Variants in CYP46A1 observed in about 807,000 individuals in gnomAD.
The protein encoded by CYP46A1 is cytochrome P450 family 46 subfamily A member 1.
In CYP46A1, 20 loss-of-function variants were observed where a neutral mutation model predicts 63.3. That is an observed-to-expected ratio of 0.32 (90% CI 0.22 to 0.46). The LOEUF (loss-of-function observed/expected upper bound fraction) is 0.46, where lower values mean the gene tolerates loss of function less well. Among genes scored for constraint, CYP46A1 ranks in the 20% least tolerant of loss-of-function variants. The probability of loss-of-function intolerance (pLI) is 1.00; values close to 1 mark genes in which losing one functional copy is unlikely to be tolerated. For synonymous variants in CYP46A1, 268 were observed against 273.6 expected, an observed-to-expected ratio of 0.98 and a Z score of 0.20; for missense variants, 445 against 670.8, an observed-to-expected ratio of 0.66 and a Z score of 3.72.
chr14:99,692,129 C>T (rs956844608), intron 3 of CYP46A1, among the ~76,000 whole-genome samples: 6 of 152,168 alleles, frequency 3.9e-5, no homozygotes, highest in African/African-American at 1.4e-4. Context: ...AGTGCACACA[C>T]GTTTAGTTTG....
At chr14:99,702,652 T>C (rs897139589) in intron 5 of CYP46A1, among the ~76,000 whole-genome samples, 2 of 152,104 alleles carry the variant, frequency 1.3e-5, no homozygotes, top group African/African-American at 4.8e-5. Flanking sequence ...TTTCTTCTCT[T>C]TATGAGTGTA....
chr14:99,697,763 G>A (rs1221334597), intron 3 of CYP46A1, among the ~76,000 whole-genome samples: 2 of 152,274 alleles, frequency 1.3e-5, no homozygotes, highest in African/African-American at 2.4e-5. Flanking sequence ...ACATCCCATA[G>A]TTTATGTCAC....
intron 3 of CYP46A1, among the ~76,000 whole-genome samples, chr14:99,695,258 G>A (rs2056577479): frequency 6.6e-6 from 1 of 152,190 alleles, no homozygotes; most frequent in African/African-American, 2.4e-5. Context: ...AAGAGTGTAT[G>A]TTGTGTTATT....
At chr14:99,704,465 AT>A (rs1267284354) in intron 5 of CYP46A1, among the ~76,000 whole-genome samples, 1 of 152,184 alleles carries the variant, frequency 6.6e-6, no homozygotes, top group Non-Finnish European at 1.5e-5. Context: ...ACAGAATATA[AT>A]TTTGTACTTT....
chr14:99,702,938 C>A (rs2056644734), intron 5 of CYP46A1, among the ~76,000 whole-genome samples: 1 of 152,158 alleles, frequency 6.6e-6, no homozygotes. Context: ...TCATGTTTTT[C>A]ATTTAATTCC....
chr14:99,685,404 T>C (rs1288811477), intron 1 of CYP46A1, among the ~76,000 whole-genome samples: 1 of 144,274 alleles, frequency 6.9e-6, no homozygotes, highest in Non-Finnish European at 1.5e-5. Context: ...AAACAGGCCT[T>C]GCCCAGCACC....
intron 11 of CYP46A1, among the ~76,000 whole-genome samples, 159 bp from the exon 12 acceptor site, chr14:99,721,797 G>A (rs918972814): frequency 6.6e-6 from 1 of 152,026 alleles, no homozygotes; most frequent in Non-Finnish European, 1.5e-5. Context: ...GTCACGTGAC[G>A]GTGAGGCTGA....
Position 99,718,132 on chromosome 14 carries a change from G to C in CYP46A1, c.980+6G>C. 6.2e-7 allele frequency: 1 copy of C among 1,613,582 alleles called. No homozygotes were observed. Among genetic ancestry groups the C allele is most frequent in the South Asian group, 1.1e-5 (1 of 91,062 alleles). On this transcript the variant is annotated splice_donor_region_variant and intron_variant, in intron 10 of 14. Transcript: ENST00000261835. ...CAGCCAGAGATCGTGGCAAGGTATG[G>C]GGGCTGCTCTTGGGGCTGGCAAAGA...
rs1027221918 is a variant in CYP46A1, at chr14:99,708,010, G to T, written c.693+332G>T. On this transcript the variant is annotated intron_variant, in intron 7 of 14. Transcript: ENST00000261835. ...CACTGTCTCAGCACATCACCTCATT[G>T]TCATAAGATGGCTGCTGCGAAAGGT... 4 of 300,230 alleles carry T rather than the reference G, an allele frequency of 1.3e-5. No homozygotes were observed. The East Asian group carries it at 3.6e-4, about 27-fold the overall frequency. The allele number at this position is 300,230 out of a possible 1,614,324, so 18.6% of individuals were successfully genotyped here. A position where few individuals can be genotyped will look rare whatever the true frequency, so the allele number is the denominator to read the frequency against.
chr14:99,684,520 G>T lies in CYP46A1; in HGVS notation c.103G>T (p.Gly35Trp). 1 of 1,473,274 alleles carries T rather than the reference G, an allele frequency of 6.8e-7. No homozygotes were observed. The highest frequency in any genetic ancestry group is 9.0e-7 in the Non-Finnish European group (1 of 1,117,060). 91.3% of individuals were successfully genotyped at this position (1,473,274 alleles called of 1,614,324 possible). ...TCGCAGCCGCTACGAGCACATCCCC[G>T]GGCCGCCGCGGCCCAGGTGAGCGGG... ...RARSRYEHIPGPPRPSFLLGH... is the reference protein window; with the variant it reads ...RARSRYEHIPWPPRPSFLLGH... Residue 35 changes from glycine to tryptophan, a missense_variant, in exon 1 of 15, where the codon GGG becomes TGG. Transcript: ENST00000261835.
At position 99,706,686 on chromosome 14, in the gene CYP46A1, T is replaced by A. The variant is rs757555782; in HGVS notation, c.483T>A (p.Ala161=). Residue 161 remains alanine, a synonymous_variant, in exon 6 of 15, where the codon GCT becomes GCA. Coordinates refer to ENST00000261835, the MANE Select transcript of CYP46A1 (RefSeq NM_006668.2). ...VSLMETFNEK[A]EQLVEILEAK... ...TAATGGAAACATTCAACGAGAAGGC[T>A]GAGCAGCTGGTGGAGATTCTAGAAG... The A allele has an allele frequency of 6.2e-7, 1 of 1,613,966 alleles. No individual in the cohort carries two copies. Among genetic ancestry groups the A allele is most frequent in the Non-Finnish European group, 8.5e-7 (1 of 1,180,018 alleles).
At chr14:99,721,150 C>A in intron 10 of CYP46A1, 89 bp from the exon 11 acceptor site, 2 of 898,470 alleles carry the variant, frequency 2.2e-6, no homozygotes, top group East Asian at 2.4e-5. Context: ...TCTCTCTTCA[C>A]GCTTCCTTCC....
chr14:99,719,670 T>C (rs1350776344), intron 10 of CYP46A1, among the ~76,000 whole-genome samples: 1 of 152,176 alleles, frequency 6.6e-6, no homozygotes, highest in Non-Finnish European at 1.5e-5. Context: ...TATTTGTCTT[T>C]TTTGTGACTG....
In CYP46A1 at chr14:99,703,190, G is replaced by A. The variant is rs935354052; in HGVS notation, c.443+3089G>A. Among the ~76,000 whole-genome samples, 7 of 152,314 alleles carry A rather than the reference G, an allele frequency of 4.6e-5. No homozygotes were observed. The South Asian group carries it at 1.2e-3, about 27-fold the overall frequency. On this transcript the variant is annotated intron_variant, in intron 5 of 14. Transcript: ENST00000261835. ...GCACATGCTACTGATTTGTCCCATT[G>A]CTGGCCATGTTAAGTTTGCACAGTG...
rs564700578 is a variant in CYP46A1, at chr14:99,719,854, C to T, written c.981-1385C>T. On this transcript the variant is annotated intron_variant, in intron 10 of 14. Coordinates refer to ENST00000261835, the MANE Select transcript of CYP46A1 (RefSeq NM_006668.2). ...TCAGCTCACTGCAAGCTCCACCTCC[C>T]GGGTTCACGCCATTCTTCTGCCTCA... Among the ~76,000 whole-genome samples the T allele has an allele frequency of 5.3e-5, 8 of 150,958 alleles. No homozygotes were observed. The South Asian group carries it at 6.3e-4, about 12-fold the overall frequency.
Position 99,725,998 on chromosome 14 carries a change from T to A in CYP46A1, c.1266-192T>A, listed in dbSNP as rs1288219921. On this transcript the variant is annotated intron_variant, in intron 13 of 14. Transcript: ENST00000261835. The surrounding 1 kb of genome is among the most constrained non-coding windows in gnomAD (Gnocchi z 4.2). ...ACAACAGCAGTTCCTTCCAGGAGGG[T>A]AAAAGGAGGAGAAAAAGAATGCAGA... is the stretch of plus-strand genomic sequence containing the variant. 6.6e-6 allele frequency among the ~76,000 whole-genome samples: 1 copy of A among 151,748 alleles called. No homozygotes were observed. Among genetic ancestry groups the A allele is most frequent in the Non-Finnish European group, 1.5e-5 (1 of 67,970 alleles).
Position 99,726,697 on chromosome 14 carries a change from G to A in CYP46A1, c.1473G>A (p.Trp491Ter). The stretch of plus-strand genomic sequence containing the variant: ...TGTGCACCCTGCGGCCCCGCGGCTG[G>A]CAGCCCGCACCCCCACCACCCCCCT... ...PVLCTLRPRG[W>*]QPAPPPPPC Residue 491 changes from tryptophan to a stop codon, truncating the protein, a stop_gained, in exon 15 of 15, where the codon TGG (tryptophan) becomes TGA (stop). Coordinates refer to ENST00000261835, the MANE Select transcript of CYP46A1 (RefSeq NM_006668.2). LOFTEE classifies it high-confidence loss of function. The A allele has an allele frequency of 6.5e-7, 1 of 1,542,732 alleles. No homozygotes were observed. Among genetic ancestry groups the A allele is most frequent in the Non-Finnish European group, 8.7e-7 (1 of 1,142,960 alleles).
chr14:99,710,811 G>T (rs537937045), intron 7 of CYP46A1: 1 of 152,070 alleles, frequency 6.6e-6, no homozygotes, highest in African/African-American at 2.4e-5. Flanking sequence ...ACTTTAGACC[G>T]TATAGACCTA....
intron 5 of CYP46A1, among the ~76,000 whole-genome samples, chr14:99,702,429 T>C (rs1409415451): frequency 6.6e-6 from 1 of 152,222 alleles, no homozygotes. Context: ...TGTACAAGTG[T>C]TTGTATGGAC....
Sources: gnomAD v4.1 joint callset for allele counts (sites outside exome capture counted in the v4.1 genomes callset) on GRCh38, gnomAD v4.1.1 for gene constraint, Gnocchi (gnomAD v3.1) non-coding constraint, MANE v1.5 for transcripts, NCBI Gene and HGNC (gene_info 2026-07-23, HGNC 2026-07-21) for gene names.